The following CHD6 variants were observed in gnomAD, a reference collection of about 807,000 sequenced individuals.
CHD6 encodes ATP-dependent chromatin remodeler CHD6.
A neutral mutation model predicts 276.9 loss-of-function variants in CHD6; 50 were observed. The observed-to-expected ratio is 0.18, with a 90% CI of 0.14 to 0.23. The LOEUF (loss-of-function observed/expected upper bound fraction) is 0.23. Among genes scored for constraint, CHD6 ranks in the 10% least tolerant of loss-of-function variants. CHD6 has a pLI of 1.00. For synonymous variants in CHD6, 1,173 were observed against 1,229.3 expected, an observed-to-expected ratio of 0.95 and a Z score of 0.96; for missense variants, 2,564 against 3,365.8, an observed-to-expected ratio of 0.76 and a Z score of 5.89.
At chr20:41,502,862 G>A (rs1013179985) in intron 5 of CHD6, among the ~76,000 whole-genome samples, 8 of 152,058 alleles carry the variant, frequency 5.3e-5, no homozygotes, top group Non-Finnish European at 1.0e-4. Flanking sequence ...AAAAATTAGC[G>A]TGGCGTGGTG....
At chr20:41,564,297 C>A in intron 1 of CHD6, 1 of 576,428 alleles carries the variant, frequency 1.7e-6, no homozygotes, top group Non-Finnish European at 3.1e-6. Context: ...AAAAAACTCA[C>A]AACTCCCAAT....
intron 5 of CHD6, among the ~76,000 whole-genome samples, chr20:41,506,417 A>G (rs1214141778): frequency 6.6e-6 from 1 of 152,046 alleles, no homozygotes; most frequent in Non-Finnish European, 1.5e-5. Flanking sequence ...AGGACTTTGT[A>G]TAGACTATTC....
At chr20:41,536,199 A>G (rs2044826214) in intron 2 of CHD6, among the ~76,000 whole-genome samples, 1 of 152,232 alleles carries the variant, frequency 6.6e-6, no homozygotes, top group South Asian at 2.1e-4. Flanking sequence ...AACAGGTTGA[A>G]GATGATGGGC....
rs1235599925 is a variant in CHD6, at chr20:41,455,836, G to A, written c.2973C>T (p.Thr991=). 5 of 1,607,992 alleles carry A rather than the reference G, an allele frequency of 3.1e-6. No homozygotes were observed. Among genetic ancestry groups the A allele is most frequent in the Admixed American group, 1.7e-5 (1 of 59,080 alleles). The change falls in exon 19 of 37, where the codon ACC becomes ACT. Residue 991 remains threonine (T), a synonymous_variant. Coordinates refer to ENST00000373233, the MANE Select transcript of CHD6 (RefSeq NM_032221.5). ...TGGACCCTTTCCCCTCAGACTGGATGGTGATGGTGTGCGTTCGCCTCTGCA... is the reference window on the plus strand; with the variant it reads ...TGGACCCTTTCCCCTCAGACTGGATAGTGATGGTGTGCGTTCGCCTCTGCA... The part of the protein sequence containing the change: ...QILQRRTHTI[T]IQSEGKGSTF...
At chr20:41,490,584 G>A (rs1018011054) in intron 11 of CHD6, among the ~76,000 whole-genome samples, 4 of 152,130 alleles carry the variant, frequency 2.6e-5, no homozygotes, top group South Asian at 4.1e-4. Context: ...AGGCCAACGC[G>A]GGCAGATCAC....
At chr20:41,462,839 T>C (rs377150213) in intron 17 of CHD6, among the ~76,000 whole-genome samples, 1 of 152,236 alleles carries the variant, frequency 6.6e-6, no homozygotes, top group Non-Finnish European at 1.5e-5. Context: ...ATTCCAGCTA[T>C]GTCCACTGAG....
intron 1 of CHD6, among the ~76,000 whole-genome samples, chr20:41,555,449 G>GGGGGGGAGA (rs1396881188): frequency 1.3e-4 from 19 of 150,794 alleles, no homozygotes; most frequent in African/African-American, 4.7e-4. Flanking sequence ...TGGCTGCCGG[G>GGGGGGGAGA]CGGAGACGCT....
At position 41,421,099 on chromosome 20, in the gene CHD6, C is replaced by A; in HGVS notation, c.5536G>T (p.Asp1846Tyr). Reference protein sequence around the residue: ...RNLSSDQQLIDLLENKSLESK... With the variant: ...RNLSSDQQLIYLLENKSLESK... ...TCTAAGCTTTTGTTTTCCAATAAAT[C>A]AATTAATTGCTGATCTGATGACAGG... The change falls in exon 31 of 37, where the codon GAT (aspartate) becomes TAT (tyrosine). Residue 1846 changes from aspartate to tyrosine, a missense_variant. Around this residue, in one of 7 missense-constraint regions of CHD6, gnomAD observed 1,024 missense variants for 1,047.9 expected, o/e 0.98. Transcript: ENST00000373233. 1 of 1,614,092 alleles carries A rather than the reference C, an allele frequency of 6.2e-7. No individual in the cohort carries two copies. The highest frequency in any genetic ancestry group is 1.1e-5 in the South Asian group (1 of 91,044).
intron 1 of CHD6, among the ~76,000 whole-genome samples, chr20:41,580,585 G>C (rs1280496795): frequency 7.0e-6 from 1 of 143,702 alleles, no homozygotes; most frequent in Admixed American, 7.1e-5. Flanking sequence ...ACATAAGCCT[G>C]GGAGGTCAAA....
At chr20:41,518,448 T>C (rs927782849) in intron 3 of CHD6, among the ~76,000 whole-genome samples, 1 of 152,042 alleles carries the variant, frequency 6.6e-6, no homozygotes, top group Non-Finnish European at 1.5e-5. Flanking sequence ...ACATGTTAAA[T>C]GTTGAAAGGA....
At chr20:41,564,398 T>A (rs574940947) in intron 1 of CHD6, among the ~76,000 whole-genome samples, 1 of 152,312 alleles carries the variant, frequency 6.6e-6, no homozygotes, top group East Asian at 1.9e-4. Context: ...TCAAATGCAT[T>A]ATGCTGAGTG....
intron 27 of CHD6, among the ~76,000 whole-genome samples, chr20:41,433,815 G>A (rs572976243): frequency 1.3e-5 from 2 of 152,268 alleles, no homozygotes; most frequent in Admixed American, 6.5e-5. Context: ...ATAAATGGAA[G>A]AGGGTAAAGG....
chr20:41,552,605 C>T (rs899083049), intron 1 of CHD6, among the ~76,000 whole-genome samples: 3 of 152,220 alleles, frequency 2.0e-5, no homozygotes, highest in South Asian at 2.1e-4. Context: ...GCATGTTGGA[C>T]GCAAACAGAA....
At chr20:41,538,435 T>C (rs1006037444) in intron 2 of CHD6, among the ~76,000 whole-genome samples, 1 of 152,164 alleles carries the variant, frequency 6.6e-6, no homozygotes, top group Admixed American at 6.5e-5. Flanking sequence ...ACAGGCTAAA[T>C]GAAATCAGCC....
chr20:41,462,370 C>A (rs918135721), intron 17 of CHD6, among the ~76,000 whole-genome samples: 2 of 152,152 alleles, frequency 1.3e-5, no homozygotes, highest in Non-Finnish European at 2.9e-5. Context: ...AACATAATTA[C>A]CAAAAAATTT....
intron 2 of CHD6, among the ~76,000 whole-genome samples, chr20:41,542,183 C>T (rs570158607): frequency 1.1e-4 from 16 of 152,318 alleles, no homozygotes; most frequent in African/African-American, 3.4e-4. Flanking sequence ...CCAGGAGATA[C>T]ATCTTTTAGA....
intron 36 of CHD6, among the ~76,000 whole-genome samples, chr20:41,410,537 G>C (rs1371932302): frequency 6.6e-6 from 1 of 152,206 alleles, no homozygotes; most frequent in East Asian, 1.9e-4. Flanking sequence ...CCCAAGAGGA[G>C]CTGCAGGAGA....
chr20:41,561,760 A>G (rs1601143973), intron 1 of CHD6, among the ~76,000 whole-genome samples: 1 of 152,150 alleles, frequency 6.6e-6, no homozygotes, highest in East Asian at 1.9e-4. Flanking sequence ...TCTCCTTGGA[A>G]TTTTGAGAGC....
chr20:41,420,787 G>A lies in CHD6; in HGVS notation c.5848C>T (p.Leu1950Phe), dbSNP rs6102410. 1 of 1,614,168 alleles carries A rather than the reference G, an allele frequency of 6.2e-7. No individual in the cohort carries two copies. The highest frequency in any genetic ancestry group is 8.5e-7 in the Non-Finnish European group (1 of 1,180,046). Residue 1950 changes from leucine (L) to phenylalanine (F), a missense_variant, in exon 31 of 37, where the codon CTC (leucine) becomes TTC (phenylalanine). Physicochemically the swap from Leu to Phe is conservative, Grantham distance 22. This residue lies in a region of CHD6 where 1,024 missense variants were observed against 1,047.9 expected (regional missense o/e 0.98). Transcript: ENST00000373233. ...TCGATTTCAAATTCATCATTCTCGA[G>A]GCCATGCATCCACCTCTCCATGTGT... ...CKHMERWMHG[L>F]ENDEFEIEKP...
Sources: gnomAD v4.1 joint callset for allele counts (sites outside exome capture counted in the v4.1 genomes callset) on GRCh38, gnomAD v4.1.1 for gene constraint, gnomAD v4.1.1 regional missense constraint, MANE v1.5 for transcripts, NCBI Gene and HGNC (gene_info 2026-07-23, HGNC 2026-07-21) for gene names.